Variants in HEPH observed in about 807,000 individuals in gnomAD.
HEPH encodes the protein hephaestin.
HEPH carries 69 observed loss-of-function variants against 80.8 expected under a neutral mutation model. The observed-to-expected ratio is 0.85, with a 90% CI of 0.70 to 1.04. The LOEUF is 1.04. Among genes scored for constraint, HEPH ranks in the 50% least tolerant of loss-of-function variants. HEPH has a pLI of 0.00. For synonymous variants in HEPH, 431 were observed against 322.8 expected, an observed-to-expected ratio of 1.34 and a Z score of -3.60; for missense variants, 1,115 against 891.3, an observed-to-expected ratio of 1.25 and a Z score of -3.20.
intron 15 of HEPH, among the ~76,000 whole-genome samples, chrX:66,228,293 A>G (rs1159265058): frequency 8.9e-6 from 1 of 112,833 alleles, no homozygotes; most frequent in African/African-American, 3.2e-5. Flanking sequence ...GGTTTCTCCC[A>G]CAACATGAAT....
intron 15 of HEPH, among the ~76,000 whole-genome samples, chrX:66,241,112 C>T (rs1439781433): frequency 8.9e-6 from 1 of 112,083 alleles, no homozygotes; most frequent in Non-Finnish European, 1.9e-5. Flanking sequence ...TAAGGAAGTG[C>T]TAAACATGGA....
At chrX:66,209,749 G>C (rs966427824) in intron 15 of HEPH, among the ~76,000 whole-genome samples, 2 of 111,647 alleles carry the variant, frequency 1.8e-5, no homozygotes, top group Non-Finnish European at 3.8e-5. Context: ...TTTTTGATTT[G>C]GACAACCAGG....
intron 4 of HEPH, among the ~76,000 whole-genome samples, chrX:66,187,137 T>G (rs906787798): frequency 9.0e-6 from 1 of 111,290 alleles, no homozygotes; most frequent in African/African-American, 3.3e-5. Flanking sequence ...CCTTCACTTC[T>G]TATTTTTTTT....
chrX:66,218,088 G>T (rs1046683984), intron 15 of HEPH, among the ~76,000 whole-genome samples: 1 of 111,173 alleles, frequency 9.0e-6, no homozygotes, highest in African/African-American at 3.3e-5. Context: ...AATAGTGGGG[G>T]ACTTTAATAT....
chrX:66,217,754 C>T (rs906875334), intron 15 of HEPH, among the ~76,000 whole-genome samples: 1 of 111,517 alleles, frequency 9.0e-6, no homozygotes, highest in Non-Finnish European at 1.9e-5. Flanking sequence ...AGAATAGATA[C>T]GAATTCACCA....
At chrX:66,195,304 G>A in intron 9 of HEPH, 75 bp downstream of exon 9, 1 of 846,236 alleles carries the variant, frequency 1.2e-6, no homozygotes, top group Non-Finnish European at 1.5e-6. Flanking sequence ...ATAAATGGGA[G>A]ATGGAGAGGA....
At chrX:66,204,825 G>A (rs1345122335) in intron 13 of HEPH, among the ~76,000 whole-genome samples, 3 of 111,761 alleles carry the variant, frequency 2.7e-5, no homozygotes, top group Non-Finnish European at 3.8e-5. Context: ...TTAAAAAAAA[G>A]AAAAAGGAAA....
At chrX:66,209,320 C>G (rs1452464272) in intron 15 of HEPH, among the ~76,000 whole-genome samples, 1 of 112,331 alleles carries the variant, frequency 8.9e-6, no homozygotes, top group Non-Finnish European at 1.9e-5. Flanking sequence ...TAGCATGTAT[C>G]AGGATCACCT....
chrX:66,266,678 G>A lies in HEPH; in HGVS notation c.*6G>A, dbSNP rs1203146755. The A allele has an allele frequency of 1.7e-6, 2 of 1,156,434 alleles. No individual in the cohort carries two copies. Among genetic ancestry groups the A allele is most frequent in the South Asian group, 1.8e-5 (1 of 55,118 alleles). ...TTCTGTCTTTCAAACAGTAACATCTGGAGCCTGGAGATATCCTCAGGAAGC... is the reference window on the plus strand; with the variant it reads ...TTCTGTCTTTCAAACAGTAACATCTAGAGCCTGGAGATATCCTCAGGAAGC... On this transcript the variant is annotated 3_prime_UTR_variant, in exon 21 of 21. Transcript: ENST00000343002.
intron 15 of HEPH, among the ~76,000 whole-genome samples, chrX:66,229,304 A>G (rs1217207277): frequency 8.9e-6 from 1 of 112,431 alleles, no homozygotes; most frequent in Non-Finnish European, 1.9e-5. Context: ...ATTTGCAGCA[A>G]CCTGGATGGA....
intron 12 of HEPH, among the ~76,000 whole-genome samples, chrX:66,201,853 C>A (rs1336573011): frequency 9.0e-6 from 1 of 111,234 alleles, no homozygotes; most frequent in East Asian, 2.8e-4. Flanking sequence ...GCAGTTTAAA[C>A]GAAAAAATAA....
chrX:66,180,401 T>A (rs1016739503), intron 4 of HEPH, among the ~76,000 whole-genome samples: 2 of 111,059 alleles, frequency 1.8e-5, no homozygotes, highest in South Asian at 3.8e-4. Context: ...TCTCGGCTGA[T>A]AATTGTTTTG....
chrX:66,262,598 C>T (rs958983555), intron 19 of HEPH, among the ~76,000 whole-genome samples: 2 of 111,669 alleles, frequency 1.8e-5, no homozygotes, highest in Non-Finnish European at 3.8e-5. Flanking sequence ...GTGTTATTTT[C>T]TCTAACAGCA....
chrX:66,212,978 C>A (rs1452931474), intron 15 of HEPH, among the ~76,000 whole-genome samples: 1 of 108,408 alleles, frequency 9.2e-6, no homozygotes, highest in African/African-American at 3.3e-5. Flanking sequence ...TTATCCTCTT[C>A]AATTTCTTTC....
chrX:66,192,173 C>G lies in HEPH; in HGVS notation c.1107C>G (p.Ala369=). 8.3e-7 allele frequency: 1 copy of G among 1,209,921 alleles called. No homozygotes were observed. Among genetic ancestry groups the G allele is most frequent in the Non-Finnish European group, 1.1e-6 (1 of 894,719 alleles). ...ACAAGGTCAAGTCTTGCTCCATGGC[C>G]CCTCCTGTGGACCTGCTCACAGGCA... ...ALYKVKSCSM[A]PPVDLLTGKV... is the part of the protein sequence containing the mutation. Residue 369 remains alanine, a synonymous_variant, in exon 7 of 21, where the codon GCC becomes GCG. Coordinates refer to ENST00000343002, the MANE Select transcript of HEPH (RefSeq NM_001367233.3).
chrX:66,230,045 G>A (rs1237845133), intron 15 of HEPH, among the ~76,000 whole-genome samples: 7 of 101,532 alleles, frequency 6.9e-5, no homozygotes, highest in Middle Eastern at 4.8e-3. Context: ...TTGTTCTTGC[G>A]ATAGTTTGCT....
intron 12 of HEPH, 30 bp downstream of exon 12, chrX:66,200,782 C>T (rs759246828): frequency 8.8e-7 from 1 of 1,133,829 alleles, no homozygotes; most frequent in Non-Finnish European, 1.2e-6. Context: ...GCCCTAGAGG[C>T]TTTGTTGGGT....
intron 17 of HEPH, 71 bp downstream of exon 17, chrX:66,256,401 T>C: frequency 4.1e-6 from 3 of 737,199 alleles, no homozygotes; most frequent in Non-Finnish European, 6.1e-6. Flanking sequence ...TTAATAGGCC[T>C]ATTGCTACCT....
At chrX:66,265,061 G>T (rs1434325146) in intron 20 of HEPH, among the ~76,000 whole-genome samples, 3 of 110,232 alleles carry the variant, frequency 2.7e-5, no homozygotes, top group Non-Finnish European at 5.7e-5. Context: ...AATTGAAAAT[G>T]ATTTGTTCAA....
Sources: gnomAD v4.1 joint callset for allele counts (sites outside exome capture counted in the v4.1 genomes callset) on GRCh38, gnomAD v4.1.1 for gene constraint, MANE v1.5 for transcripts, NCBI Gene and HGNC (gene_info 2026-07-23, HGNC 2026-07-21) for gene names.